Variants in TSPO observed in about 807,000 individuals in gnomAD.
TSPO encodes the protein translocator protein.
A neutral mutation model predicts 13.9 loss-of-function variants in TSPO; 14 were observed. The observed-to-expected ratio is 1.01, with a 90% confidence interval of 0.67 to 1.58. The LOEUF is 1.58. Among genes scored for constraint, TSPO ranks in the 40% most tolerant of loss-of-function variants. The probability of loss-of-function intolerance (pLI) is 0.00; values close to 1 mark genes in which losing one functional copy is unlikely to be tolerated. For synonymous variants in TSPO, 114 were observed against 105.9 expected (o/e 1.08, Z -0.47); for missense variants, 232 against 229.6 (o/e 1.01, Z -0.07).
At chr22:43,157,546 C>T (rs535821311) in intron 1 of TSPO, among the ~76,000 whole-genome samples, 12 of 152,192 alleles carry the variant, frequency 7.9e-5, no homozygotes, top group Non-Finnish European at 1.3e-4. Context: ...TCCTTTAAAA[C>T]GTGCCGGGCG....
At chr22:43,155,699 T>C (rs908978209) in intron 1 of TSPO, among the ~76,000 whole-genome samples, 2 of 151,382 alleles carry the variant, frequency 1.3e-5, no homozygotes, top group East Asian at 3.9e-4. Context: ...CCACCTGACG[T>C]TGGAGGAAGC....
chr22:43,159,231 C>A lies in TSPO; in HGVS notation c.-8C>A. 6.5e-7 allele frequency: 1 copy of A among 1,536,634 alleles called. No homozygotes were observed. The highest frequency in any genetic ancestry group is 2.0e-5 in the Admixed American group (1 of 49,916). On this transcript the variant is annotated 5_prime_UTR_variant, in exon 2 of 4. Transcript: ENST00000337554. The stretch of plus-strand genomic sequence containing the variant: ...TCAGAGCTCCCCTGAACAGCAGCTG[C>A]AGCAGCCATGGCCCCGCCCTGGGTG...
At chr22:43,161,290 CA>C in intron 3 of TSPO, 100 bp downstream of exon 3, 1 of 1,481,694 alleles carries the variant, frequency 6.7e-7, no homozygotes, top group Non-Finnish European at 9.0e-7. Flanking sequence ...TAGGCGGGGC[CA>C]GGGGAGACAA....
intron 1 of TSPO, among the ~76,000 whole-genome samples, chr22:43,157,868 T>C (rs988096727): frequency 1.3e-5 from 2 of 152,250 alleles, no homozygotes. Context: ...TATCCATTTT[T>C]TGCCAAAATT....
intron 1 of TSPO, among the ~76,000 whole-genome samples, chr22:43,155,746 G>A (rs1601754946): frequency 6.6e-6 from 1 of 152,138 alleles, no homozygotes; most frequent in Non-Finnish European, 1.5e-5. Flanking sequence ...AGGCAGAGCC[G>A]AGGTCTGGAT....
chr22:43,160,362 T>C (rs1002702457), intron 2 of TSPO, among the ~76,000 whole-genome samples: 4 of 152,202 alleles, frequency 2.6e-5, no homozygotes, highest in African/African-American at 4.8e-5. Flanking sequence ...CTGACCAGAC[T>C]TTATCCACTG....
Position 43,159,292 on chromosome 22 carries a change from G to A in TSPO, c.54G>A (p.Gly18=), listed in dbSNP as rs1362224082. ...AMGFTLAPSL[G]CFVGSRFVHG... is the part of the protein sequence containing the mutation. Reference sequence around the variant, plus strand: ...GCTTCACGCTGGCGCCCAGCCTGGGGTGCTTCGTGGGCTCCCGCTTTGTCC... The same window carrying A: ...GCTTCACGCTGGCGCCCAGCCTGGGATGCTTCGTGGGCTCCCGCTTTGTCC... The change falls in exon 2 of 4, where the codon GGG becomes GGA. Residue 18 remains glycine (G), a synonymous_variant. Coordinates refer to ENST00000337554, the MANE Select transcript of TSPO (RefSeq NM_000714.6). The A allele has an allele frequency of 8.4e-6, 13 of 1,553,556 alleles. No individual in the cohort carries two copies. The highest frequency in any genetic ancestry group is 1.1e-5 in the Non-Finnish European group (13 of 1,149,116).
chr22:43,162,435 T>G (rs1275582042), intron 3 of TSPO, among the ~76,000 whole-genome samples: 1 of 152,174 alleles, frequency 6.6e-6, no homozygotes, highest in African/African-American at 2.4e-5. Flanking sequence ...AGCAAGTTTT[T>G]GTTTGGGCCT....
chr22:43,162,007 G>A (rs1931456123), intron 3 of TSPO, among the ~76,000 whole-genome samples: 1 of 151,910 alleles, frequency 6.6e-6, no homozygotes, highest in Non-Finnish European at 1.5e-5. Flanking sequence ...CTGGAGTGCA[G>A]TGGCATGATC....
chr22:43,163,174 C>G lies in TSPO; in HGVS notation c.*183C>G, dbSNP rs1931513117. 1.4e-6 allele frequency: 2 copies of G among 1,430,974 alleles called. No homozygotes were observed. The highest frequency in any genetic ancestry group is 1.4e-5 in the African/African-American group (1 of 69,690). 88.6% of individuals were successfully genotyped at this position (1,430,974 alleles called of 1,614,324 possible). A position where few individuals can be genotyped will look rare whatever the true frequency, so the allele number is the denominator to read the frequency against. On this transcript the variant is annotated 3_prime_UTR_variant, in exon 4 of 4. Coordinates refer to ENST00000337554, the MANE Select transcript of TSPO (RefSeq NM_000714.6). ...ACCCGGGAGCAGTGTCCTGTGCTTT[C>G]TGCATGCTTAGAGCATGTTCTTGGA...
chr22:43,161,013 T>C, intron 2 of TSPO, 39 bp from the exon 3 acceptor site: 1 of 1,589,624 alleles, frequency 6.3e-7, no homozygotes, highest in Non-Finnish European at 8.6e-7. Flanking sequence ...CTCCTGGCCT[T>C]GTTCCTAATG....
At chr22:43,151,758 A>G (rs6003077) in intron 1 of TSPO, 154 bp downstream of exon 1, 3 of 151,978 alleles carry the variant, frequency 2.0e-5, no homozygotes, top group East Asian at 2.0e-4. Flanking sequence ...GGGCTCGGCT[A>G]CCGGGTCAGG....
At chr22:43,160,627 G>A (rs1931405620) in intron 2 of TSPO, among the ~76,000 whole-genome samples, 1 of 152,180 alleles carries the variant, frequency 6.6e-6, no homozygotes, top group Admixed American at 6.5e-5. Context: ...GACTGACTCA[G>A]GGTCTCACAT....
rs1436011396 is a variant in TSPO at position 43,162,908 on chromosome 22, T to C, written c.427T>C (p.Trp143Arg). The change falls in exon 4 of 4, where the codon TGG becomes CGG. Residue 143 changes from tryptophan to arginine, a missense_variant. Physicochemically the swap from Trp to Arg is moderately radical, Grantham distance 101. Coordinates refer to ENST00000337554, the MANE Select transcript of TSPO (RefSeq NM_000714.6). ...CCGCCTGCTCTACCCCTACCTGGCC[T>C]GGCTGGCCTTCACGACCACACTCAA... ...AARLLYPYLA[W>R]LAFTTTLNYC... The C allele has an allele frequency of 6.3e-7, 1 of 1,592,186 alleles. No individual in the cohort carries two copies. Among genetic ancestry groups the C allele is most frequent in the Admixed American group, 1.8e-5 (1 of 56,940 alleles).
Position 43,160,271 on chromosome 22 carries a change from G to A in TSPO, c.183-781G>A, listed in dbSNP as rs572797970. Among the ~76,000 whole-genome samples the A allele has an allele frequency of 2.2e-3, 338 of 152,210 alleles. 2 individuals carry two copies. The highest frequency in any genetic ancestry group is 7.9e-3 in the African/African-American group (327 of 41,546). On this transcript the variant is annotated intron_variant, in intron 2 of 3. Coordinates refer to ENST00000337554, the MANE Select transcript of TSPO (RefSeq NM_000714.6). ...CACCACCCAGTCCCAGCCTCTCTTCGGGGGAAATTTTGGGGCTCCCTGTGG... is the reference window on the plus strand; with the variant it reads ...CACCACCCAGTCCCAGCCTCTCTTCAGGGGAAATTTTGGGGCTCCCTGTGG...
Position 43,162,851 on chromosome 22 carries a change from G to A in TSPO, c.370G>A (p.Val124Met), listed in dbSNP as rs780467525. Residue 124 changes from valine to methionine, a missense_variant, in exon 4 of 4, where the codon GTG (valine) becomes ATG (methionine). Transcript: ENST00000337554. ...CAGTGGGGCGGCGGCAGCCACTACC[G>A]TGGCCTGGTACCAGGTGAGCCCGCT... ...LVSGAAAATT[V>M]AWYQVSPLAA... 5.0e-6 allele frequency: 8 copies of A among 1,585,150 alleles called. No homozygotes were observed. The highest frequency in any genetic ancestry group is 1.3e-5 in the African/African-American group (1 of 74,458).
chr22:43,154,333 C>T (rs2147050524), intron 1 of TSPO, among the ~76,000 whole-genome samples: 1 of 151,794 alleles, frequency 6.6e-6, no homozygotes, highest in Admixed American at 6.6e-5. Context: ...TTCTGGGTCG[C>T]CTTCTTTTTT....
intron 1 of TSPO, among the ~76,000 whole-genome samples, chr22:43,157,588 G>T (rs1471757230): frequency 1.3e-5 from 2 of 152,208 alleles, no homozygotes; most frequent in Non-Finnish European, 2.9e-5. Flanking sequence ...CCAGCACTTT[G>T]GGAGGCTGAG....
rs1309068357 is a variant in TSPO, at chr22:43,159,075, C to T, written c.-29-135C>T. The T allele has an allele frequency of 2.2e-5, 15 of 671,660 alleles. No individual in the cohort carries two copies. In the South Asian group the frequency reaches 2.7e-4, roughly 12 times the overall value. 41.6% of individuals were successfully genotyped at this position (671,660 alleles called of 1,614,324 possible). On this transcript the variant is annotated intron_variant, in intron 1 of 3. Transcript: ENST00000337554. The stretch of plus-strand genomic sequence containing the variant: ...TGCGTTCACTCAGCCACTCCCACCC[C>T]GCACATCTCTGCGCCTCCTGATCAG...
Sources: allele counts gnomAD v4.1 joint callset (sites outside exome capture counted in the v4.1 genomes callset), GRCh38; gene constraint gnomAD v4.1.1; transcripts MANE v1.5; gene names NCBI Gene and HGNC (gene_info 2026-07-23, HGNC 2026-07-21).